The following USP36 variants were observed in gnomAD, a reference collection of about 807,000 sequenced individuals.
The protein encoded by USP36 is ubiquitin carboxyl-terminal hydrolase 36.
A neutral mutation model predicts 111.5 loss-of-function variants in USP36; 59 were observed. That is an observed-to-expected ratio of 0.53 (90% CI 0.43 to 0.66). USP36 has a LOEUF of 0.66. USP36 is among the 30% of genes least tolerant of loss of function. USP36 has a pLI of 0.00. For missense variants in USP36, 1,488 were observed against 1,468.0 expected (o/e 1.01, Z -0.22); for synonymous variants, 628 against 581.0 (o/e 1.08, Z -1.16).
At position 78,835,374 on chromosome 17, in the gene USP36, A is replaced by G. The variant is rs1418287033; in HGVS notation, c.381T>C (p.Leu127=). ...TGGCATTGAGAAAGCAGGTGTTGCC[A>G]AGGTTGTGGAGTCCTGCGCCCACGC... ...VFRVGAGLHN[L]GNTCFLNATI... is the part of the protein sequence containing the mutation. Residue 127 remains leucine (L), a synonymous_variant, in exon 4 of 21, where the codon CTT becomes CTC. Transcript: ENST00000449938. The G allele has an allele frequency of 5.0e-6, 8 of 1,614,124 alleles. No individual in the cohort carries two copies. The highest frequency in any genetic ancestry group is 6.8e-6 in the Non-Finnish European group (8 of 1,180,054).
At chr17:78,808,282 G>A (rs1226692576) in intron 13 of USP36, among the ~76,000 whole-genome samples, 1 of 152,116 alleles carries the variant, frequency 6.6e-6, no homozygotes, top group East Asian at 1.9e-4. Flanking sequence ...TTGCTCTGTT[G>A]CCCAGGCTGG....
At chr17:78,816,160 T>G (rs953410929) in intron 10 of USP36, among the ~76,000 whole-genome samples, 1 of 145,302 alleles carries the variant, frequency 6.9e-6, no homozygotes, top group Admixed American at 6.9e-5. Flanking sequence ...TACGCATAAT[T>G]TTTTTTTTTT....
intron 4 of USP36, among the ~76,000 whole-genome samples, chr17:78,834,958 G>A (rs2068509985): frequency 6.7e-6 from 1 of 149,104 alleles, no homozygotes; most frequent in Non-Finnish European, 1.5e-5. Flanking sequence ...TCCAGCCTGG[G>A]TGTCAGAGCA....
rs763096707 is a variant in USP36 at position 78,803,620 on chromosome 17, C to T, written c.2575G>A (p.Ala859Thr). 1.4e-5 allele frequency: 23 copies of T among 1,611,748 alleles called. No individual in the cohort carries two copies. The highest frequency in any genetic ancestry group is 5.5e-5 in the South Asian group (5 of 91,048). The change falls in exon 16 of 21, where the codon GCC becomes ACC. Residue 859 changes from alanine to threonine, a missense_variant. By Grantham distance (58) the Ala-to-Thr change is moderately conservative. Transcript: ENST00000449938. The surrounding 1 kb of genome is among the most constrained non-coding windows in gnomAD (Gnocchi z 4.6). The stretch of plus-strand genomic sequence containing the variant: ...CTCTGTGTCTGCCCCTCCTGCAGGG[C>T]GCTGGCAGCTGTGTCCTCCGGGCGC... The part of the protein sequence containing the change: ...KKRPEDTAAS[A>T]LQEGQTQRQP...
At chr17:78,822,399 G>A (rs2094350879) in intron 6 of USP36, among the ~76,000 whole-genome samples, 1 of 152,106 alleles carries the variant, frequency 6.6e-6, no homozygotes, top group Non-Finnish European at 1.5e-5. Flanking sequence ...CCCTGAGCTA[G>A]GGCGCCCACC....
At chr17:78,791,409 G>A (rs1037366580), downstream of USP36, among the ~76,000 whole-genome samples, 9 of 152,166 alleles carry the variant, frequency 5.9e-5, no homozygotes, top group South Asian at 2.1e-4. Context: ...ATGAGCCACC[G>A]TGCCCGGCCC....
intron 4 of USP36, among the ~76,000 whole-genome samples, chr17:78,834,643 AT>A (rs1353079284): frequency 6.6e-6 from 1 of 152,050 alleles, no homozygotes; most frequent in Non-Finnish European, 1.5e-5. Context: ...GGGTTTCGCC[AT>A]GTTGGCCAGG....
Position 78,828,994 on chromosome 17 carries a change from G to A in USP36, c.489C>T (p.Ser163=). ...KEHARSCHQG[S]FCMLCVMQNH... Reference sequence around the variant, plus strand: ...TCTGCATGACACACAGCATGCAGAAGCTTCCCTGGTGGCCTGCCGGCGTGG... The same window carrying A: ...TCTGCATGACACACAGCATGCAGAAACTTCCCTGGTGGCCTGCCGGCGTGG... The change falls in exon 5 of 21, where the codon AGC becomes AGT. Residue 163 remains serine (S), a synonymous_variant. Coordinates refer to ENST00000449938, the MANE Select transcript of USP36 (RefSeq NM_001385174.1). 1.2e-6 allele frequency: 2 copies of A among 1,612,526 alleles called. No homozygotes were observed. Among genetic ancestry groups the A allele is most frequent in the South Asian group, 2.2e-5 (2 of 90,948 alleles).
chr17:78,815,845 A>C (rs1240378174), intron 10 of USP36, among the ~76,000 whole-genome samples: 3 of 135,842 alleles, frequency 2.2e-5, no homozygotes, highest in African/African-American at 7.6e-5. Flanking sequence ...ACATACACAC[A>C]CACATATGCA....
In USP36 at chr17:78,835,486, T is replaced by C. The variant is rs755573541; in HGVS notation, c.269A>G (p.Tyr90Cys). 1 of 1,604,798 alleles carries C rather than the reference T, an allele frequency of 6.2e-7. No homozygotes were observed. The highest frequency in any genetic ancestry group is 8.5e-7 in the Non-Finnish European group (1 of 1,175,330). Residue 90 changes from tyrosine to cysteine, a missense_variant, in exon 4 of 21, where the codon TAT becomes TGT. By Grantham distance (194) the Tyr-to-Cys change is radical. This residue lies in a region of USP36 where 219 missense variants were observed against 209.5 expected (regional missense o/e 1.05). Coordinates refer to ENST00000449938, the MANE Select transcript of USP36 (RefSeq NM_001385174.1). ...TGGGACTCCGTCACCACAGCTCTCA[T>C]ACGTGTGCTCACTGCCTGAGGAAGA... The part of the protein sequence containing the change: ...PARRQGSEHT[Y>C]ESCGDGVPAP...
intron 7 of USP36, 127 bp downstream of exon 7, chr17:78,821,810 G>A: frequency 9.7e-7 from 1 of 1,032,084 alleles, no homozygotes; most frequent in Admixed American, 2.4e-5. Flanking sequence ...CATGGCTCAA[G>A]ACCTCAGAGA....
chr17:78,826,906 G>C (rs2145506030), intron 6 of USP36: 1 of 589,150 alleles, frequency 1.7e-6, no homozygotes, highest in Non-Finnish European at 3.0e-6. Context: ...GACTGAAAAA[G>C]TCCATGGTAA....
rs1168251403 is a variant in USP36 at position 78,803,352 on chromosome 17, G to A, written c.2810+33C>T. On this transcript the variant is annotated intron_variant, in intron 16 of 20. Transcript: ENST00000449938. This position sits in a 1 kb window ranked among gnomAD's most constrained non-coding sequence, Gnocchi z 4.6. ...TGGTTTTGCTTTGTTTCTCGTCAGA[G>A]GTAGACAGATGCCACTTTGCTCCTG... is the stretch of plus-strand genomic sequence containing the variant. The A allele has an allele frequency of 6.3e-7, 1 of 1,593,886 alleles. No individual in the cohort carries two copies. Among genetic ancestry groups the A allele is most frequent in the East Asian group, 2.2e-5 (1 of 44,570 alleles).
Position 78,798,409 on chromosome 17 carries a change from CAG to C in USP36, c.*9_*10del, listed in dbSNP as rs2093665452. 1.2e-6 allele frequency: 2 copies of C among 1,614,110 alleles called. No individual in the cohort carries two copies. The highest frequency in any genetic ancestry group is 1.7e-6 in the Non-Finnish European group (2 of 1,180,028). On this transcript the variant is annotated 3_prime_UTR_variant, in exon 20 of 21. Transcript: ENST00000449938. The surrounding 1 kb of genome is among the most constrained non-coding windows in gnomAD (Gnocchi z 5.1). ...CCCCCTCGGAACCGACCTCCTTCCA[CAG>C]GGGCACAGTCAGCGGCGATAGCTGA...
chr17:78,823,387 G>A (rs1189099205), intron 6 of USP36, among the ~76,000 whole-genome samples: 1 of 152,078 alleles, frequency 6.6e-6, no homozygotes, highest in African/African-American at 2.4e-5. Context: ...AAGCACCAGC[G>A]CCCGCAGGGC....
chr17:78,800,201 G>A (rs2093706451), intron 17 of USP36, among the ~76,000 whole-genome samples: 1 of 151,570 alleles, frequency 6.6e-6, no homozygotes, highest in Non-Finnish European at 1.5e-5. Flanking sequence ...GACAGAAGGA[G>A]AGAAGAGAAC....
chr17:78,833,006 GGC>G (rs1304369806), intron 4 of USP36, among the ~76,000 whole-genome samples: 8 of 152,048 alleles, frequency 5.3e-5, no homozygotes, highest in Non-Finnish European at 8.8e-5. Flanking sequence ...AAATTAGCCA[GGC>G]GTGGTGGCGG....
chr17:78,828,784 T>A (rs1334236411), intron 5 of USP36, 113 bp downstream of exon 5: 1 of 1,048,070 alleles, frequency 9.5e-7, no homozygotes, highest in Non-Finnish European at 1.4e-6. Flanking sequence ...ACGGAAGGAC[T>A]GCTTAAGGCC....
chr17:78,806,398 A>G, intron 14 of USP36, 112 bp from the exon 15 acceptor site: 1 of 1,451,204 alleles, frequency 6.9e-7, no homozygotes, highest in Non-Finnish European at 9.3e-7. Flanking sequence ...AGCCCAGAAA[A>G]AAAGATGAGG....
Sources: gnomAD v4.1 joint callset for allele counts (sites outside exome capture counted in the v4.1 genomes callset) on GRCh38, gnomAD v4.1.1 for gene constraint, gnomAD v4.1.1 regional missense constraint, Gnocchi (gnomAD v3.1) non-coding constraint, MANE v1.5 for transcripts, NCBI Gene and HGNC (gene_info 2026-07-23, HGNC 2026-07-21) for gene names.